The following RIMS2 variants were observed in gnomAD, a reference collection of about 807,000 sequenced individuals.
RIMS2 encodes the protein regulating synaptic membrane exocytosis protein 2.
In RIMS2, 59 loss-of-function variants were observed where a neutral mutation model predicts 174.4. The ratio of observed to expected loss-of-function variants is 0.34; its 90% CI spans 0.27 to 0.42. RIMS2 has a LOEUF of 0.42. RIMS2 is among the 10% of genes least tolerant of loss of function. The pLI is 1.00. For missense variants in RIMS2, 1,620 were observed against 1,666.3 expected, an observed-to-expected ratio of 0.97 and a Z score of 0.48; for synonymous variants, 606 against 572.5, an observed-to-expected ratio of 1.06 and a Z score of -0.84.
intron 19 of RIMS2, among the ~76,000 whole-genome samples, chr8:104,208,959 G>C (rs557725699): frequency 1.2e-4 from 18 of 152,260 alleles, no homozygotes; most frequent in South Asian, 6.2e-4. Context: ...CAGTCTAGAA[G>C]ATAAAATACT....
chr8:104,062,776 T>C (rs2097026289), intron 19 of RIMS2, among the ~76,000 whole-genome samples: 1 of 152,144 alleles, frequency 6.6e-6, no homozygotes, highest in African/African-American at 2.4e-5. Context: ...TTAAATATGT[T>C]ATTTCTGTCA....
chr8:103,777,498 C>T (rs1454128850), intron 3 of RIMS2, among the ~76,000 whole-genome samples: 2 of 151,770 alleles, frequency 1.3e-5, no homozygotes, highest in African/African-American at 2.4e-5. Flanking sequence ...AAAATCAGTA[C>T]ATTATTGGCA....
chr8:103,857,316 A>G (rs1010338896), intron 3 of RIMS2, among the ~76,000 whole-genome samples: 2 of 152,238 alleles, frequency 1.3e-5, no homozygotes, highest in African/African-American at 2.4e-5. Flanking sequence ...TAAGATAGTT[A>G]CAGTTTATTG....
intron 2 of RIMS2, among the ~76,000 whole-genome samples, chr8:103,756,581 A>C (rs892901956): frequency 6.6e-6 from 1 of 151,520 alleles, no homozygotes; most frequent in Admixed American, 6.6e-5. Flanking sequence ...CCACGCCACT[A>C]TGTCCAGCTA....
chr8:104,008,924 T>C (rs1230677777), intron 17 of RIMS2, among the ~76,000 whole-genome samples: 1 of 152,040 alleles, frequency 6.6e-6, no homozygotes, highest in Non-Finnish European at 1.5e-5. Context: ...CAAAATAATA[T>C]AATATTCGTA....
chr8:103,572,343 C>T (rs544097049), intron 1 of RIMS2, among the ~76,000 whole-genome samples: 20 of 152,124 alleles, frequency 1.3e-4, no homozygotes, highest in Middle Eastern at 3.4e-3. Context: ...TTTGGCCCTG[C>T]GCACGCCTTG....
intron 1 of RIMS2, among the ~76,000 whole-genome samples, chr8:103,512,564 C>G (rs967955588): frequency 2.0e-5 from 3 of 151,978 alleles, no homozygotes; most frequent in African/African-American, 7.2e-5. Flanking sequence ...AAAATTTCCT[C>G]TCAGAGGTAT....
chr8:104,047,086 A>G (rs769537559), intron 19 of RIMS2, among the ~76,000 whole-genome samples: 39 of 152,062 alleles, frequency 2.6e-4, no homozygotes, highest in Non-Finnish European at 5.0e-4. Flanking sequence ...GAAAAGAGTT[A>G]AAGCTCTTGG....
chr8:103,665,159 G>A lies in RIMS2; in HGVS notation c.177-31927G>A, dbSNP rs2096653002. ...GAGCCTGGGGGAGGGATAGAATTAG[G>A]AGAAATACCTAAAGTAAATGACAAG... On this transcript the variant is annotated intron_variant, in intron 1 of 23. Transcript: ENST00000504942. Among the ~76,000 whole-genome samples, 4 of 152,208 alleles carry A rather than the reference G, an allele frequency of 2.6e-5. No individual in the cohort carries two copies. The South Asian group carries it at 8.3e-4, about 31-fold the overall frequency.
intron 19 of RIMS2, among the ~76,000 whole-genome samples, chr8:104,120,712 A>G (rs2098359897): frequency 6.6e-6 from 1 of 152,206 alleles, no homozygotes; most frequent in African/African-American, 2.4e-5. Flanking sequence ...ACAGGCAGCA[A>G]CTTAGAGTAT....
chr8:104,054,719 G>T (rs1189418852), intron 19 of RIMS2, among the ~76,000 whole-genome samples: 2 of 151,872 alleles, frequency 1.3e-5, no homozygotes, highest in African/African-American at 2.4e-5. Flanking sequence ...CATCACATTT[G>T]CAATTTATAA....
At chr8:104,139,213 T>C (rs1334262227) in intron 19 of RIMS2, among the ~76,000 whole-genome samples, 3 of 152,162 alleles carry the variant, frequency 2.0e-5, no homozygotes, top group East Asian at 3.8e-4. Flanking sequence ...TCCTCCAGTT[T>C]TGTTCTTTTT....
At chr8:104,251,734 G>A (rs763788947) in exon 24 of RIMS2, 3 of 1,612,300 alleles carry the variant, frequency 1.9e-6, no homozygotes, top group Middle Eastern at 1.6e-4. Flanking sequence ...TTCCTCCCTA[G>A]TAGATCCAAC....
At chr8:103,759,152 G>C (rs899023460) in intron 2 of RIMS2, among the ~76,000 whole-genome samples, 4 of 152,052 alleles carry the variant, frequency 2.6e-5, no homozygotes, top group African/African-American at 9.7e-5. Context: ...AAATTGAAGG[G>C]CATCTTTTAC....
chr8:103,568,136 T>A (rs2092521218), intron 1 of RIMS2, among the ~76,000 whole-genome samples: 1 of 151,382 alleles, frequency 6.6e-6, no homozygotes, highest in African/African-American at 2.4e-5. Flanking sequence ...GTAAATGAAA[T>A]AAAAACAAAA....
At chr8:104,228,406 A>G (rs1233530759) in intron 19 of RIMS2, among the ~76,000 whole-genome samples, 2 of 152,196 alleles carry the variant, frequency 1.3e-5, no homozygotes, top group African/African-American at 2.4e-5. Context: ...CTTTGTGTAT[A>G]GTAAATAATG....
intron 1 of RIMS2, among the ~76,000 whole-genome samples, chr8:103,629,060 G>A (rs543816924): frequency 6.6e-6 from 1 of 152,220 alleles, no homozygotes; most frequent in Admixed American, 6.5e-5. Context: ...GTTCCCAGAT[G>A]CAGGCTCTCA....
rs759032814 is a variant in RIMS2 at position 103,916,527 on chromosome 8, AG to A, written c.2028del (p.Arg676SerfsTer40). 2 of 1,608,734 alleles carry A rather than the reference AG, an allele frequency of 1.2e-6. No individual in the cohort carries two copies. Among genetic ancestry groups the A allele is most frequent in the African/African-American group, 2.7e-5 (2 of 74,680 alleles). On this transcript the variant is annotated frameshift_variant, in exon 8 of 24. Coordinates refer to ENST00000504942, the Ensembl canonical transcript of RIMS2. LOFTEE classifies it high-confidence loss of function. ...ACCACAAGTAGAACTTGTAGTTTCA[AG>A]GCCTATTGGGTAAGTTGGTTTCAGT...
chr8:104,177,512 A>C (rs899326137), intron 19 of RIMS2, among the ~76,000 whole-genome samples: 1 of 152,204 alleles, frequency 6.6e-6, no homozygotes, highest in Non-Finnish European at 1.5e-5. Context: ...ATGAAGTGCT[A>C]CTGAAAAATT....
Sources: gnomAD v4.1 joint callset for allele counts (sites outside exome capture counted in the v4.1 genomes callset) on GRCh38, gnomAD v4.1.1 for gene constraint, MANE v1.5 for transcripts, NCBI Gene and HGNC (gene_info 2026-07-23, HGNC 2026-07-21) for gene names.